Variants in FBXO34 observed in about 807,000 individuals in gnomAD.
The protein encoded by FBXO34 is F-box only protein 34.
FBXO34 carries 12 observed loss-of-function variants against 24.5 expected under a neutral mutation model. The observed-to-expected ratio is 0.49, with a 90% CI of 0.31 to 0.79. FBXO34 has a LOEUF of 0.79. Ranked by LOEUF, FBXO34 falls within the 30% of genes least tolerant of loss-of-function variation. The pLI is 0.04. For missense variants in FBXO34, 823 were observed against 857.7 expected, an observed-to-expected ratio of 0.96 and a Z score of 0.51; for synonymous variants, 320 against 311.9, an observed-to-expected ratio of 1.03 and a Z score of -0.27.
intron 1 of FBXO34, among the ~76,000 whole-genome samples, chr14:55,279,162 C>T (rs1481973331): frequency 6.6e-6 from 1 of 151,934 alleles, no homozygotes; most frequent in African/African-American, 2.4e-5. Context: ...TGGTGGGTGC[C>T]TGTAATCCCA....
chr14:55,337,524 T>C (rs536179016), intron 1 of FBXO34, among the ~76,000 whole-genome samples: 1 of 152,350 alleles, frequency 6.6e-6, no homozygotes, highest in South Asian at 2.1e-4. Context: ...AAAACTTGAA[T>C]GTTTCTAATG....
At chr14:55,380,875 A>ATATATATATATTTTTTTT in the FBXO34 span, among the ~76,000 whole-genome samples, 48 of 112,674 alleles carry the variant, frequency 4.3e-4, no homozygotes, top group Non-Finnish European at 7.3e-4. Flanking sequence ...ATATATATAT[A>ATATATATATATTTTTTTT]TTTTTTTTTT....
chr14:55,346,919 C>T (rs1198840837), intron 1 of FBXO34, among the ~76,000 whole-genome samples: 1 of 152,158 alleles, frequency 6.6e-6, no homozygotes, highest in Non-Finnish European at 1.5e-5. Context: ...GTTAGTAGCC[C>T]AGCACCCCAG....
the FBXO34 span, chr14:55,411,661 G>A: frequency 1.3e-4 from 210 of 1,613,534 alleles, 1 homozygote; most frequent in South Asian, 2.2e-3. Context: ...ATTTGGCGCA[G>A]GTCAGCCGCC....
At chr14:55,324,067 C>T (rs1014194632) in intron 1 of FBXO34, among the ~76,000 whole-genome samples, 5 of 151,910 alleles carry the variant, frequency 3.3e-5, no homozygotes, top group Admixed American at 6.6e-5. Context: ...AACTCCATAC[C>T]CATTAGCAGT....
At chr14:55,306,213 T>C (rs1215785538) in intron 1 of FBXO34, among the ~76,000 whole-genome samples, 2 of 152,250 alleles carry the variant, frequency 1.3e-5, no homozygotes, top group Non-Finnish European at 2.9e-5. Context: ...GACTTCATTA[T>C]GATTAGGGAA....
intron 1 of FBXO34, among the ~76,000 whole-genome samples, chr14:55,338,889 G>C (rs970930087): frequency 2.7e-5 from 4 of 149,478 alleles, no homozygotes; most frequent in Non-Finnish European, 4.4e-5. Flanking sequence ...CTGGGCGACA[G>C]AGCGAGACTC....
chr14:55,337,288 T>C (rs1883816154), intron 1 of FBXO34, among the ~76,000 whole-genome samples: 2 of 152,344 alleles, frequency 1.3e-5, no homozygotes, highest in East Asian at 1.9e-4. Flanking sequence ...CTTATGGTTA[T>C]ATTTTAATGC....
chr14:55,299,094 G>T, intron 1 of FBXO34: 1 of 1,409,010 alleles, frequency 7.1e-7, no homozygotes, highest in Admixed American at 1.7e-5. Context: ...TGACGAGGAT[G>T]AGCTCATGGC....
At chr14:55,320,094 G>T (rs1267598311) in intron 1 of FBXO34, among the ~76,000 whole-genome samples, 2 of 152,202 alleles carry the variant, frequency 1.3e-5, no homozygotes. Flanking sequence ...ACCGCCTCAG[G>T]TTATCCAGGT....
intron 1 of FBXO34, among the ~76,000 whole-genome samples, chr14:55,315,970 T>C (rs1040125337): frequency 6.6e-6 from 1 of 152,200 alleles, no homozygotes; most frequent in Non-Finnish European, 1.5e-5. Context: ...TATTCAAATA[T>C]TGAACATTTT....
the FBXO34 span, chr14:55,390,937 C>A: frequency 6.2e-7 from 1 of 1,603,722 alleles, no homozygotes; most frequent in Non-Finnish European, 8.5e-7. Context: ...ATTTCCTTTA[C>A]ATATTGTTTG....
intron 1 of FBXO34, among the ~76,000 whole-genome samples, chr14:55,327,876 A>G (rs1883392714): frequency 7.0e-6 from 1 of 142,920 alleles, no homozygotes; most frequent in Non-Finnish European, 1.5e-5. Flanking sequence ...GATCTTAGCA[A>G]CCTCGTCATA....
At chr14:55,433,641 C>G in the FBXO34 span, 1 of 1,613,968 alleles carries the variant, frequency 6.2e-7, no homozygotes, top group Non-Finnish European at 8.5e-7. Context: ...TTTTGGCTCC[C>G]GTGCAGACCA....
At chr14:55,400,901 CAAAT>C in the FBXO34 span, among the ~76,000 whole-genome samples, 154 of 138,864 alleles carry the variant, frequency 1.1e-3, no homozygotes, top group African/African-American at 4.2e-3. Flanking sequence ...GAGACTGTCT[CAAAT>C]AAATAAATAA....
chr14:55,324,190 T>G lies in FBXO34; in HGVS notation c.-10-26191T>G, dbSNP rs2140031553. 1.3e-5 allele frequency among the ~76,000 whole-genome samples: 2 copies of G among 152,298 alleles called. 1 individual carries two copies. The highest frequency in any genetic ancestry group is 3.9e-4 in the East Asian group (2 of 5,186). ...TTCATACAAATAGAATCATATAGTA[T>G]GTGCCTTTTGTTTCTGGCTTCTTTC... On this transcript the variant is annotated intron_variant, in intron 1 of 1. Coordinates refer to ENST00000313833, the MANE Select transcript of FBXO34 (RefSeq NM_017943.4).
chr14:55,385,820 T>G, the FBXO34 span: 2 of 1,500,754 alleles, frequency 1.3e-6, no homozygotes, highest in South Asian at 1.2e-5. Flanking sequence ...TATTTGGAAC[T>G]TGATCTATTC....
chr14:55,277,770 T>C (rs1008674039), intron 1 of FBXO34, among the ~76,000 whole-genome samples: 1 of 152,242 alleles, frequency 6.6e-6, no homozygotes, highest in African/African-American at 2.4e-5. Context: ...AAGTCGTGCC[T>C]ACATTTTTAT....
At chr14:55,308,517 G>A (rs974674464) in intron 1 of FBXO34, among the ~76,000 whole-genome samples, 1 of 152,156 alleles carries the variant, frequency 6.6e-6, no homozygotes, top group Non-Finnish European at 1.5e-5. Flanking sequence ...TTATTTTACA[G>A]ATGATGAAAC....
Sources: gnomAD v4.1 joint callset for allele counts (sites outside exome capture counted in the v4.1 genomes callset) on GRCh38, gnomAD v4.1.1 for gene constraint, MANE v1.5 for transcripts, NCBI Gene and HGNC (gene_info 2026-07-23, HGNC 2026-07-21) for gene names.